Variants in ESRRG observed in about 807,000 individuals in gnomAD.
ESRRG encodes estrogen related receptor gamma.
ESRRG carries 13 observed loss-of-function variants against 44.0 expected under a neutral mutation model. The observed-to-expected ratio is 0.30, with a 90% CI of 0.19 to 0.47. The LOEUF (loss-of-function observed/expected upper bound fraction) is 0.47. ESRRG is among the 20% of genes least tolerant of loss of function. The pLI is 1.00. For missense variants in ESRRG, 395 were observed against 580.6 expected, an observed-to-expected ratio of 0.68 and a Z score of 3.29; for synonymous variants, 215 against 214.6, an observed-to-expected ratio of 1.00 and a Z score of -0.02.
Position 217,007,737 on chromosome 1 carries a change from C to T in ESRRG, c.-105-68064G>A, listed in dbSNP as rs575968760. ...TTCCTTCCTCCTTCCATCTTTTCTT[C>T]CTCCCTTCCCTCTTTTCTTCTGATG... On this transcript the variant is annotated intron_variant, in intron 1 of 7. Coordinates refer to the ESRRG transcript ENST00000359162. 3.2e-4 allele frequency among the ~76,000 whole-genome samples: 48 copies of T among 152,214 alleles called. 1 individual carries two copies. The South Asian group carries it at 5.6e-3, about 18-fold the overall frequency.
chr1:216,548,835 T>C (rs552551137), intron 5 of ESRRG, among the ~76,000 whole-genome samples: 2 of 152,210 alleles, frequency 1.3e-5, no homozygotes, highest in East Asian at 3.9e-4. Flanking sequence ...TGCAGAGTAA[T>C]TACCGTAAAG....
At chr1:216,595,071 G>A (rs2058241823) in intron 3 of ESRRG, among the ~76,000 whole-genome samples, 2 of 152,124 alleles carry the variant, frequency 1.3e-5, no homozygotes, top group Admixed American at 1.3e-4. Context: ...TGTGAGAGCA[G>A]GAAATCTATC....
At chr1:217,035,744 C>A (rs2082774542) in intron 1 of ESRRG, among the ~76,000 whole-genome samples, 1 of 151,520 alleles carries the variant, frequency 6.6e-6, no homozygotes, top group African/African-American at 2.4e-5. Flanking sequence ...AATAACTTGT[C>A]AGAGTTTTAA....
chr1:216,949,177 C>G (rs78594306), intron 1 of ESRRG, among the ~76,000 whole-genome samples: 1,922 of 152,324 alleles, frequency 0.013, 45 homozygotes, highest in African/African-American at 0.042. Context: ...ATCTCCAGCT[C>G]CCTCCTTCTG....
rs149498781 is a variant in ESRRG at position 216,503,259 on chromosome 1, G to A, written c.*3680C>T. ...ACAATACAAAAGAGCAGTCAAAAGT[G>A]GAAGCTTGTTTAATATTGCTCTACC... is the stretch of plus-strand genomic sequence containing the variant. On this transcript the variant is annotated 3_prime_UTR_variant, in exon 7 of 7. Coordinates refer to ENST00000408911, the MANE Select transcript of ESRRG (RefSeq NM_001438.4). The A allele has an allele frequency of 5.9e-5, 9 of 152,328 alleles. No individual in the cohort carries two copies. Among genetic ancestry groups the A allele is most frequent in the Non-Finnish European group, 1.2e-4 (8 of 67,954 alleles). 9.4% of individuals were successfully genotyped at this position (152,328 alleles called of 1,614,324 possible).
chr1:217,045,967 T>C (rs1046282590), intron 1 of ESRRG, among the ~76,000 whole-genome samples: 1 of 152,138 alleles, frequency 6.6e-6, no homozygotes, highest in African/African-American at 2.4e-5. Flanking sequence ...GAGATGCCTT[T>C]CCATTTGGGA....
intron 2 of ESRRG, among the ~76,000 whole-genome samples, chr1:216,918,438 T>C (rs10863277): frequency 0.5 from 75,534 of 151,942 alleles, 19,102 homozygotes; most frequent in Middle Eastern, 0.59. Context: ...GTGTTACCTA[T>C]TTTTAAGGCT....
intron 3 of ESRRG, among the ~76,000 whole-genome samples, chr1:216,645,894 A>AAC (rs2067463286): frequency 1.4e-5 from 2 of 146,830 alleles, no homozygotes; most frequent in African/African-American, 5.1e-5. Flanking sequence ...AAAAAAAAAA[A>AAC]TGCCCACAAA....
At chr1:216,664,073 A>G (rs779962965) in intron 2 of ESRRG, among the ~76,000 whole-genome samples, 17 of 152,144 alleles carry the variant, frequency 1.1e-4, no homozygotes, top group Non-Finnish European at 2.1e-4. Flanking sequence ...TAATCATAAC[A>G]TTTGGCATAT....
chr1:216,760,199 G>A (rs572298716), intron 2 of ESRRG, among the ~76,000 whole-genome samples: 2 of 151,788 alleles, frequency 1.3e-5, no homozygotes, highest in East Asian at 3.9e-4. Flanking sequence ...CTGCCTGCAT[G>A]GATAGATGCA....
At chr1:216,692,969 C>T (rs148107245) in intron 1 of ESRRG, among the ~76,000 whole-genome samples, 2 of 152,252 alleles carry the variant, frequency 1.3e-5, no homozygotes, top group African/African-American at 4.8e-5. Flanking sequence ...AAGAAATTTC[C>T]CAGAACATAT....
chr1:216,536,764 C>T (rs191758618), intron 5 of ESRRG, among the ~76,000 whole-genome samples: 1 of 152,064 alleles, frequency 6.6e-6, no homozygotes, highest in East Asian at 1.9e-4. Flanking sequence ...CTAGTGCTTC[C>T]ATTTATCATG....
chr1:217,050,046 G>A (rs933393913), intron 1 of ESRRG, among the ~76,000 whole-genome samples: 1 of 152,290 alleles, frequency 6.6e-6, no homozygotes, highest in East Asian at 1.9e-4. Flanking sequence ...AGGAGCAAAC[G>A]TCACTGTAAG....
chr1:216,689,074 C>T (rs554782895), intron 1 of ESRRG, among the ~76,000 whole-genome samples: 2 of 152,080 alleles, frequency 1.3e-5, no homozygotes, highest in South Asian at 2.1e-4. Flanking sequence ...AACTGGCATT[C>T]GCAATAATGA....
chr1:217,042,768 G>T (rs1447447163), intron 1 of ESRRG, among the ~76,000 whole-genome samples: 1 of 152,058 alleles, frequency 6.6e-6, no homozygotes. Flanking sequence ...CTCCAAAAGG[G>T]TCTATTTAAA....
chr1:216,602,012 G>T (rs776149630), intron 3 of ESRRG, among the ~76,000 whole-genome samples: 2 of 152,160 alleles, frequency 1.3e-5, no homozygotes, highest in Non-Finnish European at 2.9e-5. Context: ...ACTTGCCCAA[G>T]ATCACACAGC....
At chr1:216,972,960 A>G (rs2072013490) in intron 1 of ESRRG, among the ~76,000 whole-genome samples, 1 of 152,164 alleles carries the variant, frequency 6.6e-6, no homozygotes, top group South Asian at 2.1e-4. Context: ...CATCTAAACC[A>G]TCGCCAGATC....
intron 2 of ESRRG, among the ~76,000 whole-genome samples, chr1:216,744,004 T>G (rs1392092772): frequency 6.6e-6 from 1 of 152,180 alleles, no homozygotes; most frequent in African/African-American, 2.4e-5. Context: ...CTGGACACGG[T>G]GCCACATGGA....
chr1:216,889,999 C>T (rs11572528), intron 2 of ESRRG, among the ~76,000 whole-genome samples: 7,866 of 152,148 alleles, frequency 0.052, 699 homozygotes, highest in African/African-American at 0.18. Context: ...GGTATGGTGG[C>T]TCACATCTTA....
Sources: gnomAD v4.1 joint callset for allele counts (sites outside exome capture counted in the v4.1 genomes callset) on GRCh38, gnomAD v4.1.1 for gene constraint, MANE v1.5 for transcripts, NCBI Gene and HGNC (gene_info 2026-07-23, HGNC 2026-07-21) for gene names.